Variants in ICA1 observed in about 807,000 individuals in gnomAD.
ICA1 encodes 69 kDa islet cell autoantigen.
In ICA1, 40 loss-of-function variants were observed where a neutral mutation model predicts 71.0. That is an observed-to-expected ratio of 0.56 (90% CI 0.44 to 0.73). The LOEUF (loss-of-function observed/expected upper bound fraction) is 0.73. ICA1 is among the 30% of genes least tolerant of loss of function. The probability of loss-of-function intolerance (pLI) is 0.00; values close to 1 mark genes in which losing one functional copy is unlikely to be tolerated. For missense variants in ICA1, 578 were observed against 576.5 expected (o/e 1.00, Z -0.03); for synonymous variants, 207 against 209.5 (o/e 0.99, Z 0.10).
At chr7:8,187,907 G>A (rs1784391190) in intron 6 of ICA1, among the ~76,000 whole-genome samples, 1 of 152,154 alleles carries the variant, frequency 6.6e-6, no homozygotes, top group Admixed American at 6.5e-5. Context: ...GTCATTATAT[G>A]GTACTTGACT....
intron 6 of ICA1, among the ~76,000 whole-genome samples, chr7:8,179,343 T>C (rs1360715235): frequency 6.6e-6 from 1 of 152,190 alleles, no homozygotes; most frequent in East Asian, 1.9e-4. Context: ...CTTAGGATTC[T>C]AGCTATAATG....
chr7:8,137,783 C>G (rs1453909243), intron 12 of ICA1, among the ~76,000 whole-genome samples: 3 of 152,234 alleles, frequency 2.0e-5, no homozygotes, highest in Non-Finnish European at 4.4e-5. Flanking sequence ...ACCCTGAAAA[C>G]TTAATGCTAG....
rs1234007879 is a variant in ICA1, at chr7:8,173,212, A to G, written c.580-14560T>C. The stretch of plus-strand genomic sequence containing the variant: ...TGACAAAACTGCTGATTCCAGGACT[A>G]GGGAAGGAAATACATAAGATGATTC... On this transcript the variant is annotated intron_variant, in intron 6 of 13. Coordinates refer to ENST00000402384, the MANE Select transcript of ICA1 (RefSeq NM_001136020.3). The surrounding 1 kb of genome is among the most constrained non-coding windows in gnomAD (Gnocchi z 4.0). Among the ~76,000 whole-genome samples the G allele has an allele frequency of 6.6e-6, 1 of 152,182 alleles. No homozygotes were observed. Among genetic ancestry groups the G allele is most frequent in the Non-Finnish European group, 1.5e-5 (1 of 68,020 alleles).
At chr7:8,247,265 AAC>A (rs1186782778) in intron 1 of ICA1, among the ~76,000 whole-genome samples, 1 of 152,072 alleles carries the variant, frequency 6.6e-6, no homozygotes, top group East Asian at 1.9e-4. Flanking sequence ...CAGCCTTGTG[AAC>A]ACAGTGAACT....
At chr7:8,237,829 C>CACACACACACACAA in intron 1 of ICA1, among the ~76,000 whole-genome samples, 1 of 150,870 alleles carries the variant, frequency 6.6e-6, no homozygotes, top group Non-Finnish European at 1.5e-5. Context: ...GACACACACA[C>CACACACACACACAA]ACACACACAC....
intron 13 of ICA1, among the ~76,000 whole-genome samples, chr7:8,124,283 G>C (rs576495012): frequency 2.6e-4 from 40 of 151,432 alleles, no homozygotes; most frequent in African/African-American, 9.3e-4. Context: ...AGCATGCCCA[G>C]CTAATTTTTG....
chr7:8,150,300 C>T (rs547232882), intron 8 of ICA1, among the ~76,000 whole-genome samples: 1 of 152,286 alleles, frequency 6.6e-6, no homozygotes, highest in Admixed American at 6.5e-5. Context: ...TGAGAGGGTG[C>T]TTCTACACAG....
At chr7:8,124,851 T>C (rs1788540319) in intron 13 of ICA1, among the ~76,000 whole-genome samples, 1 of 151,782 alleles carries the variant, frequency 6.6e-6, no homozygotes, top group South Asian at 2.1e-4. Flanking sequence ...TGTAGTGGCG[T>C]GATCTCAGCT....
rs188497810 is a variant in ICA1 at position 8,116,528 on chromosome 7, C to G, written c.1331-2484G>C. ...GAAAAATGAAGGAAAAGGTTAGATT[C>G]TGAAAAGCAAATAAACTATTGCTAT... On this transcript the variant is annotated intron_variant, in intron 13 of 13. Coordinates refer to ENST00000402384, the MANE Select transcript of ICA1 (RefSeq NM_001136020.3). The G allele has an allele frequency of 3.3e-5, 5 of 152,336 alleles. No individual in the cohort carries two copies. The East Asian group carries it at 9.6e-4, about 29-fold the overall frequency. 9.4% of individuals were successfully genotyped at this position (152,336 alleles called of 1,614,324 possible). A position where few individuals can be genotyped will look rare whatever the true frequency, so the allele number is the denominator to read the frequency against.
At chr7:8,119,267 T>G (rs559801925) in intron 13 of ICA1, among the ~76,000 whole-genome samples, 1 of 151,586 alleles carries the variant, frequency 6.6e-6, no homozygotes, top group South Asian at 2.1e-4. Context: ...AGGTGAGGAG[T>G]AGAAACCCCT....
Position 8,134,407 on chromosome 7 carries a change from T to C in ICA1, c.1060+4433A>G, listed in dbSNP as rs568893683. 3.3e-5 allele frequency among the ~76,000 whole-genome samples: 5 copies of C among 152,158 alleles called. 1 individual carries two copies. The highest frequency in any genetic ancestry group is 1.2e-4 in the African/African-American group (5 of 41,504). ...CTGAGTTTCATGACCTCAGCATAAA[T>C]TAGAACACAGAAGATGGAAGGAAAC... On this transcript the variant is annotated intron_variant, in intron 12 of 13. Coordinates refer to ENST00000402384, the MANE Select transcript of ICA1 (RefSeq NM_001136020.3).
intron 12 of ICA1, among the ~76,000 whole-genome samples, chr7:8,131,540 A>G (rs989076627): frequency 6.6e-6 from 1 of 152,190 alleles, no homozygotes; most frequent in Non-Finnish European, 1.5e-5. Flanking sequence ...TGATTATTCA[A>G]CAGCTAACAG....
chr7:8,254,966 G>T (rs373465718), intron 1 of ICA1, among the ~76,000 whole-genome samples: 24 of 152,190 alleles, frequency 1.6e-4, no homozygotes, highest in Admixed American at 1.4e-3. Context: ...TTGGCACTGC[G>T]CTGGGCACCT....
At chr7:8,165,995 G>A (rs766254102) in intron 6 of ICA1, among the ~76,000 whole-genome samples, 3 of 152,106 alleles carry the variant, frequency 2.0e-5, no homozygotes, top group South Asian at 4.1e-4. Flanking sequence ...AATGCCATTC[G>A]TTACAGAAGT....
chr7:8,122,418 A>G (rs1787342461), intron 13 of ICA1, among the ~76,000 whole-genome samples: 1 of 152,256 alleles, frequency 6.6e-6, no homozygotes, highest in African/African-American at 2.4e-5. Context: ...TCCCTGTTCT[A>G]TAAAACAGGT....
chr7:8,250,578 A>G (rs1159668312), intron 1 of ICA1, among the ~76,000 whole-genome samples: 2 of 152,230 alleles, frequency 1.3e-5, no homozygotes, highest in African/African-American at 2.4e-5. Flanking sequence ...ACACAACTGC[A>G]CACAAGGCTA....
intron 6 of ICA1, among the ~76,000 whole-genome samples, chr7:8,166,293 G>A (rs1805950450): frequency 6.6e-6 from 1 of 152,142 alleles, no homozygotes; most frequent in Non-Finnish European, 1.5e-5. Flanking sequence ...TACAAAAACA[G>A]ACACGTAGAC....
chr7:8,183,644 G>A lies in ICA1; in HGVS notation c.580-24992C>T, dbSNP rs114980351. On this transcript the variant is annotated intron_variant, in intron 6 of 13. Transcript: ENST00000402384. The stretch of plus-strand genomic sequence containing the variant: ...AGTTATTTAACCTTTCTGAATTTCT[G>A]CCATTAGATCTGGAAAATAAGCATG... 6.7e-3 allele frequency among the ~76,000 whole-genome samples: 1,019 copies of A among 152,218 alleles called. 11 individuals are homozygous for A. The highest frequency in any genetic ancestry group is 0.023 in the African/African-American group (972 of 41,514).
intron 3 of ICA1, among the ~76,000 whole-genome samples, chr7:8,229,435 C>A (rs1799593688): frequency 6.6e-6 from 1 of 152,300 alleles, no homozygotes; most frequent in South Asian, 2.1e-4. Context: ...GAACAGACTT[C>A]ACACTTTCTC....
Sources: allele counts gnomAD v4.1 joint callset (sites outside exome capture counted in the v4.1 genomes callset), GRCh38; gene constraint gnomAD v4.1.1; non-coding constraint Gnocchi (gnomAD v3.1); transcripts MANE v1.5; gene names NCBI Gene and HGNC (gene_info 2026-07-23, HGNC 2026-07-21).